KLHL13: variants seen among roughly 807,000 people sequenced by gnomAD.
KLHL13 encodes the protein kelch like family member 13, also known as kelch-like protein 13.
In KLHL13, 10 loss-of-function variants were observed where a neutral mutation model predicts 37.1. The ratio of observed to expected loss-of-function variants is 0.27; its 90% CI spans 0.17 to 0.46. KLHL13 has a LOEUF of 0.46. Among genes scored for constraint, KLHL13 ranks in the 20% least tolerant of loss-of-function variants. The pLI is 1.00. For synonymous variants in KLHL13, 163 were observed against 181.2 expected (o/e 0.90, Z 0.81); for missense variants, 360 against 509.3 (o/e 0.71, Z 2.82).
exon 1 of KLHL13, chrX:117,972,873 A>G: frequency 4.2e-6 from 5 of 1,198,624 alleles, no homozygotes; most frequent in Non-Finnish European, 5.6e-6. Context: ...CGTTTCCATA[A>G]CAGACTACCA....
At chrX:117,977,899 C>T (rs953900502), upstream of KLHL13, among the ~76,000 whole-genome samples, 2 of 112,210 alleles carry the variant, frequency 1.8e-5, no homozygotes, top group African/African-American at 6.5e-5. Flanking sequence ...CACTTACATG[C>T]ATGTGTGTTT....
chrX:118,061,151 T>A (rs2054736766), intron 1 of KLHL13, among the ~76,000 whole-genome samples: 1 of 111,791 alleles, frequency 8.9e-6, no homozygotes, highest in Non-Finnish European at 1.9e-5. Flanking sequence ...CCTTAAGTGT[T>A]TTTAAATCAT....
chrX:117,898,653 T>C (rs1393157219), exon 7 of KLHL13: 3 of 327,638 alleles, frequency 9.2e-6, no homozygotes, highest in Non-Finnish European at 1.6e-5. Flanking sequence ...AAACATTTTA[T>C]AGACAATACT....
chrX:118,059,364 T>C (rs952951442), intron 1 of KLHL13, among the ~76,000 whole-genome samples: 1 of 112,024 alleles, frequency 8.9e-6, no homozygotes, highest in African/African-American at 3.2e-5. Flanking sequence ...GTTTTAACTG[T>C]TACAAGCAGC....
At chrX:118,114,365 A>G (rs1299154917) in intron 1 of KLHL13, among the ~76,000 whole-genome samples, 1 of 112,210 alleles carries the variant, frequency 8.9e-6, no homozygotes, top group African/African-American at 3.2e-5. Context: ...TCAAACACAT[A>G]TTGAGTCATA....
chrX:117,991,187 C>T (rs976410981), intron 1 of KLHL13, among the ~76,000 whole-genome samples: 5 of 106,275 alleles, frequency 4.7e-5, no homozygotes, highest in African/African-American at 1.8e-4. Flanking sequence ...TAACATTAGA[C>T]TTGAATTTTG....
At chrX:118,019,777 A>C (rs1400490358) in intron 1 of KLHL13, among the ~76,000 whole-genome samples, 10 of 105,527 alleles carry the variant, frequency 9.5e-5, no homozygotes, top group Middle Eastern at 4.7e-3. Flanking sequence ...TGTTTTTCTC[A>C]GGTTTGTCAA....
chrX:117,900,511 T>C (rs996830546), intron 6 of KLHL13, among the ~76,000 whole-genome samples: 2 of 111,867 alleles, frequency 1.8e-5, no homozygotes, highest in Admixed American at 9.5e-5. Flanking sequence ...CCACATAAAA[T>C]AGATAGATGG....
At position 117,943,515 on chromosome X, in the gene KLHL13, T is replaced by C. The variant is rs142114754; in HGVS notation, c.240+1919A>G. 9.1e-5 allele frequency among the ~76,000 whole-genome samples: 10 copies of C among 109,428 alleles called. No individual in the cohort carries two copies. The East Asian group carries it at 2.7e-3, about 29-fold the overall frequency. On this transcript the variant is annotated intron_variant, in intron 2 of 6. Coordinates refer to ENST00000262820, the Ensembl canonical transcript of KLHL13. ...TATAGTCCCATATTTCTTGGAGGCTTTGTTCGTTTCTTTTCATTCTTTTTT... is the reference window on the plus strand; with the variant it reads ...TATAGTCCCATATTTCTTGGAGGCTCTGTTCGTTTCTTTTCATTCTTTTTT...
intron 1 of KLHL13, among the ~76,000 whole-genome samples, chrX:118,073,143 T>C (rs905570204): frequency 2.3e-4 from 25 of 109,790 alleles, no homozygotes; most frequent in African/African-American, 8.3e-4. Flanking sequence ...ATTCCCTCTA[T>C]TTCTCCCTTC....
At chrX:118,109,750 A>G (rs1358211491) in intron 1 of KLHL13, among the ~76,000 whole-genome samples, 1 of 112,445 alleles carries the variant, frequency 8.9e-6, no homozygotes, top group African/African-American at 3.2e-5. Context: ...CTTGGAATAT[A>G]ATAGGCACTT....
intron 2 of KLHL13, among the ~76,000 whole-genome samples, chrX:117,929,271 T>C (rs1482982288): frequency 8.9e-6 from 1 of 111,829 alleles, no homozygotes; most frequent in Non-Finnish European, 1.9e-5. Flanking sequence ...AGAACACCAA[T>C]ACCCCACAAA....
At chrX:118,000,752 GAGGCTATTCAC>G (rs1275164109) in intron 1 of KLHL13, among the ~76,000 whole-genome samples, 1 of 111,739 alleles carries the variant, frequency 8.9e-6, no homozygotes, top group Non-Finnish European at 1.9e-5. Context: ...GAACTGACAT[GAGGCTATTCAC>G]AGGCTTTTTC....
intron 1 of KLHL13, among the ~76,000 whole-genome samples, chrX:118,091,531 T>C (rs900348872): frequency 6.3e-5 from 7 of 110,295 alleles, no homozygotes; most frequent in African/African-American, 9.9e-5. Flanking sequence ...AACAGCAGAA[T>C]GGAAAAGACA....
chrX:118,096,156 G>C (rs1275310538), intron 1 of KLHL13, among the ~76,000 whole-genome samples: 1 of 111,273 alleles, frequency 9.0e-6, no homozygotes, highest in Non-Finnish European at 1.9e-5. Context: ...TTTTTGAAAA[G>C]ATCATCAAAA....
Position 118,099,105 on chromosome X carries a change from A to G in KLHL13, c.-56+17403T>C, listed in dbSNP as rs373368601. 1.1e-3 allele frequency among the ~76,000 whole-genome samples: 111 copies of G among 105,257 alleles called. 2 individuals are homozygous for G. The South Asian group carries it at 0.043, about 40-fold the overall frequency. The allele number at this position is 105,257 out of a possible 115,157, so 91.4% of individuals were successfully genotyped here. Reference sequence around the variant, plus strand: ...GCACATGTACTCTAAAACTTAAAGTATAATAATAATAAAATTTAAAAAAAT... The same window carrying G: ...GCACATGTACTCTAAAACTTAAAGTGTAATAATAATAAAATTTAAAAAAAT... On this transcript the variant is annotated intron_variant, in intron 1 of 6. Coordinates refer to the KLHL13 transcript ENST00000371882.
intron 2 of KLHL13, among the ~76,000 whole-genome samples, chrX:117,943,344 C>T (rs759110618): frequency 5.7e-4 from 63 of 110,902 alleles, no homozygotes; most frequent in African/African-American, 1.9e-3. Flanking sequence ...GTGGCATTCT[C>T]TGTATTTCCT....
Position 118,094,090 on chromosome X carries a change from G to A in KLHL13, c.-56+22418C>T, listed in dbSNP as rs776384963. Among the ~76,000 whole-genome samples the A allele has an allele frequency of 1.3e-4, 14 of 109,197 alleles. No homozygotes were observed. In the East Asian group the frequency reaches 2.6e-3, roughly 20 times the overall value. 94.8% of individuals were successfully genotyped at this position (109,197 alleles called of 115,157 possible). On this transcript the variant is annotated intron_variant, in intron 1 of 6. Transcript: ENST00000371882. ...GATCAAACTACTCTGAGCTAAAGGA[G>A]GAAGTTCGAACCTCCTCCTTTAGTT...
chrX:118,041,182 G>A (rs1468686784), intron 1 of KLHL13, among the ~76,000 whole-genome samples: 4 of 112,136 alleles, frequency 3.6e-5, no homozygotes, highest in African/African-American at 1.3e-4. Context: ...TTATAACACA[G>A]TGAAATATAA....
Sources: gnomAD v4.1 joint callset for allele counts (sites outside exome capture counted in the v4.1 genomes callset) on GRCh38, gnomAD v4.1.1 for gene constraint, MANE v1.5 for transcripts, NCBI Gene and HGNC (gene_info 2026-07-23, HGNC 2026-07-21) for gene names.